TCP1: variants seen among roughly 807,000 people sequenced by gnomAD.
TCP1 encodes the protein T-complex protein 1 subunit alpha.
Under a neutral mutation model 54.7 loss-of-function variants are expected in TCP1, and 6 were observed. The ratio of observed to expected loss-of-function variants is 0.11; its 90% CI spans 0.06 to 0.22. The LOEUF (loss-of-function observed/expected upper bound fraction) is 0.22. Among genes scored for constraint, TCP1 ranks in the 10% least tolerant of loss-of-function variants. The pLI is 1.00. For missense variants in TCP1, 511 were observed against 678.2 expected (o/e 0.75, Z 2.74); for synonymous variants, 225 against 229.7 (o/e 0.98, Z 0.19).
intron 6 of TCP1, 48 bp downstream of exon 6, chr6:159,784,618 T>G: frequency 6.3e-7 from 1 of 1,581,566 alleles, no homozygotes; most frequent in South Asian, 1.1e-5. Flanking sequence ...GAAAAGCTAG[T>G]TTTAATCTGT....
intron 5 of TCP1, 85 bp from the exon 6 acceptor site, chr6:159,784,932 T>C: frequency 1.5e-6 from 2 of 1,315,900 alleles, no homozygotes; most frequent in South Asian, 1.2e-5. Flanking sequence ...TCAAGGGACT[T>C]CCTTTTAGTA....
Position 159,789,565 on chromosome 6 carries a change from G to A in TCP1, c.-97C>T, listed in dbSNP as rs538963042. 2.8e-6 allele frequency: 4 copies of A among 1,428,754 alleles called. No individual in the cohort carries two copies. The highest frequency in any genetic ancestry group is 2.4e-5 in the East Asian group (1 of 41,272). 88.5% of individuals were successfully genotyped at this position (1,428,754 alleles called of 1,614,324 possible). On this transcript the variant is annotated 5_prime_UTR_variant, in exon 1 of 12. Coordinates refer to ENST00000321394, the MANE Select transcript of TCP1 (RefSeq NM_030752.3). ...CGGCGACCACAGCAGTGGCTGCGAC[G>A]GCGTGGAGCGTACCCGAGCGATGTC... is the stretch of plus-strand genomic sequence containing the variant.
chr6:159,785,874 AT>A, intron 4 of TCP1, 25 bp downstream of exon 4: 1 of 1,590,466 alleles, frequency 6.3e-7, no homozygotes, highest in Non-Finnish European at 8.6e-7. Flanking sequence ...ATCAAAAAAA[AT>A]TTCTCTGAAT....
Position 159,779,809 on chromosome 6 carries a change from T to C in TCP1, c.1291-19A>G, listed in dbSNP as rs1171050755. ...GAGACCCCTAGGAAAAGAAGAAAATTAGGTGACTTCACAAAAGGGAAAAAA... is the reference window on the plus strand; with the variant it reads ...GAGACCCCTAGGAAAAGAAGAAAATCAGGTGACTTCACAAAAGGGAAAAAA... On this transcript the variant is annotated intron_variant, in intron 10 of 11. Coordinates refer to ENST00000321394, the MANE Select transcript of TCP1 (RefSeq NM_030752.3). 8 of 1,586,000 alleles carry C rather than the reference T, an allele frequency of 5.0e-6. No homozygotes were observed. Among genetic ancestry groups the C allele is most frequent in the South Asian group, 4.6e-5 (4 of 86,032 alleles).
intron 9 of TCP1, 141 bp from the exon 10 acceptor site, chr6:159,780,228 A>G: frequency 8.2e-7 from 1 of 1,217,600 alleles, no homozygotes; most frequent in Non-Finnish European, 1.2e-6. Flanking sequence ...TACACAGGAT[A>G]TTTAGATATA....
Position 159,780,491 on chromosome 6 carries a change from T to A in TCP1, c.1049A>T (p.Glu350Val), listed in dbSNP as rs147802495. Residue 350 changes from glutamate to valine, a missense_variant, in exon 9 of 12, where the codon GAA (glutamate) becomes GTA (valine). Coordinates refer to ENST00000321394, the MANE Select transcript of TCP1 (RefSeq NM_030752.3). The part of the protein sequence containing the change: ...FEAAMLGQAE[E>V]VVQERICDDE... Reference sequence around the variant, plus strand: ...ATCACAAATTCTCTCCTGTACCACTTCTTCTGCCTGTCCCAACATTGCAGC... The same window carrying A: ...ATCACAAATTCTCTCCTGTACCACTACTTCTGCCTGTCCCAACATTGCAGC... The A allele has an allele frequency of 2.7e-5, 43 of 1,613,940 alleles. No homozygotes were observed. Among genetic ancestry groups the A allele is most frequent in the African/African-American group, 4.0e-5 (3 of 74,950 alleles).
intron 9 of TCP1, 36 bp downstream of exon 9, chr6:159,780,407 C>T (rs750385230): frequency 3.1e-6 from 5 of 1,612,070 alleles, no homozygotes; most frequent in Non-Finnish European, 4.2e-6. Context: ...TTAACAAAAT[C>T]GGTATAACTT....
At chr6:159,780,108 A>G (rs1409710418) in intron 9 of TCP1, 21 bp from the exon 10 acceptor site, 4 of 1,585,254 alleles carry the variant, frequency 2.5e-6, no homozygotes, top group African/African-American at 2.7e-5. Context: ...CAAAAGTACA[A>G]TTCTTGTAAT....
chr6:159,779,725 T>A lies in TCP1; in HGVS notation c.1356A>T (p.Leu452=), dbSNP rs1332758682. The A allele has an allele frequency of 1.2e-6, 2 of 1,613,306 alleles. No homozygotes were observed. Among genetic ancestry groups the A allele is most frequent in the Non-Finnish European group, 1.7e-6 (2 of 1,179,866 alleles). The change falls in exon 11 of 12, where the codon CTA becomes CTT. Residue 452 remains leucine (L), a synonymous_variant. Coordinates refer to ENST00000321394, the MANE Select transcript of TCP1 (RefSeq NM_030752.3). ...ARSLLVIPNT[L]AVNAAQDSTD... is the part of the protein sequence containing the mutation. Reference sequence around the variant, plus strand: ...TGGAGTCCTGGGCAGCATTAACTGCTAGTGTATTGGGAATAACAAGAAGTG... The same window carrying A: ...TGGAGTCCTGGGCAGCATTAACTGCAAGTGTATTGGGAATAACAAGAAGTG...
At chr6:159,789,280 G>T in intron 1 of TCP1, 125 bp downstream of exon 1, 2 of 1,120,778 alleles carry the variant, frequency 1.8e-6, no homozygotes, top group South Asian at 3.0e-5. Flanking sequence ...GCTGGGTCCG[G>T]CTGCGGGGCC....
In TCP1 at chr6:159,780,990, C is replaced by T. The variant is rs769607726; in HGVS notation, c.918G>A (p.Met306Ile). 1.9e-6 allele frequency: 3 copies of T among 1,613,296 alleles called. No individual in the cohort carries two copies. The highest frequency in any genetic ancestry group is 2.5e-6 in the Non-Finnish European group (3 of 1,179,756). Residue 306 changes from methionine to isoleucine, a missense_variant, in exon 8 of 12, where the codon ATG (methionine) becomes ATA (isoleucine). Coordinates refer to ENST00000321394, the MANE Select transcript of TCP1 (RefSeq NM_030752.3). Reference sequence around the variant, plus strand: ...CCCTTTTTAAAACTCTTCTAACTGCCATAGCACCAGCCTCCACAAAATACT... The same window carrying T: ...CCCTTTTTAAAACTCTTCTAACTGCTATAGCACCAGCCTCCACAAAATACT... ...CLKYFVEAGA[M>I]AVRRVLKRDL... is the part of the protein sequence containing the mutation.
At chr6:159,781,510 C>T (rs1024941325) in intron 7 of TCP1, among the ~76,000 whole-genome samples, 2 of 152,164 alleles carry the variant, frequency 1.3e-5, no homozygotes. Flanking sequence ...CAGTGGCTCA[C>T]GCCTGTAATC....
rs775203691 is a variant in TCP1, at chr6:159,780,282, G to C, written c.1097+161C>G. 1.8e-5 allele frequency: 22 copies of C among 1,253,594 alleles called. No individual in the cohort carries two copies. The South Asian group carries it at 2.6e-4, about 15-fold the overall frequency. 77.7% of individuals were successfully genotyped at this position (1,253,594 alleles called of 1,614,324 possible). ...TAGTCCCTGCAGAAGAGATGAAAAT[G>C]GTTACTTCATCTCAATTTACAGTGG... On this transcript the variant is annotated intron_variant, in intron 9 of 11. Coordinates refer to ENST00000321394, the MANE Select transcript of TCP1 (RefSeq NM_030752.3).
At chr6:159,788,294 A>G in intron 1 of TCP1, 151 bp from the exon 2 acceptor site, 1 of 679,980 alleles carries the variant, frequency 1.5e-6, no homozygotes, top group East Asian at 2.9e-5. Flanking sequence ...ACCACCTACT[A>G]AGAGTGTAAA....
Position 159,778,806 on chromosome 6 carries a change from G to C in TCP1, c.*239C>G. 6.2e-7 allele frequency: 1 copy of C among 1,614,224 alleles called. No individual in the cohort carries two copies. The highest frequency in any genetic ancestry group is 8.5e-7 in the Non-Finnish European group (1 of 1,180,040). Reference sequence around the variant, plus strand: ...GTGCATTGGGGGTGGGATGGGAATAGCAATGTGTGTTCAGAGAGAATGAAT... The same window carrying C: ...GTGCATTGGGGGTGGGATGGGAATACCAATGTGTGTTCAGAGAGAATGAAT... On this transcript the variant is annotated 3_prime_UTR_variant, in exon 12 of 12. Transcript: ENST00000321394.
At chr6:159,787,334 A>C (rs549766866) in intron 3 of TCP1, among the ~76,000 whole-genome samples, 5 of 152,312 alleles carry the variant, frequency 3.3e-5, no homozygotes, top group African/African-American at 1.2e-4. Flanking sequence ...GAGCTTTCCA[A>C]GTCTCAAGGG....
chr6:159,783,861 A>G (rs982340393), intron 7 of TCP1, 80 bp downstream of exon 7: 7 of 1,481,226 alleles, frequency 4.7e-6, no homozygotes, highest in Non-Finnish European at 5.4e-6. Flanking sequence ...CTGGAAGTAA[A>G]ATAGTTTGAC....
intron 1 of TCP1, 69 bp downstream of exon 1, chr6:159,789,336 G>A: frequency 1.9e-6 from 3 of 1,583,498 alleles, no homozygotes; most frequent in South Asian, 1.1e-5. Context: ...GAGGGCAGCC[G>A]GGGTCCGGTC....
Position 159,779,007 on chromosome 6 carries a change from T to C in TCP1, c.*38A>G, listed in dbSNP as rs761465923. 14 of 1,595,898 alleles carry C rather than the reference T, an allele frequency of 8.8e-6. No individual in the cohort carries two copies. The Admixed American group carries it at 2.2e-4, about 25-fold the overall frequency. ...ATACTCAACTCAAGGTACAAGACAA[T>C]TGCATTTAACATTGTTATAAATAAA... On this transcript the variant is annotated 3_prime_UTR_variant, in exon 12 of 12. Coordinates refer to ENST00000321394, the MANE Select transcript of TCP1 (RefSeq NM_030752.3).
Sources: allele counts gnomAD v4.1 joint callset (sites outside exome capture counted in the v4.1 genomes callset), GRCh38; gene constraint gnomAD v4.1.1; transcripts MANE v1.5; gene names NCBI Gene and HGNC (gene_info 2026-07-23, HGNC 2026-07-21).